Variants in KIFC3 observed in about 807,000 individuals in gnomAD.
KIFC3 encodes kinesin family member C3.
A neutral mutation model predicts 101.8 loss-of-function variants in KIFC3; 60 were observed. The ratio of observed to expected loss-of-function variants is 0.59; its 90% CI spans 0.48 to 0.73. The LOEUF (loss-of-function observed/expected upper bound fraction) is 0.73. Among genes scored for constraint, KIFC3 ranks in the 30% least tolerant of loss-of-function variants. KIFC3 has a pLI of 0.00. For missense variants in KIFC3, 966 were observed against 1,137.1 expected (o/e 0.85, Z 2.16); for synonymous variants, 476 against 482.7 (o/e 0.99, Z 0.18).
intron 1 of KIFC3, among the ~76,000 whole-genome samples, chr16:57,809,906 C>T (rs542792397): frequency 1.3e-5 from 2 of 152,262 alleles, no homozygotes; most frequent in East Asian, 1.9e-4. Flanking sequence ...ACCAGAGGGG[C>T]GTATCTGGTT....
At chr16:57,785,175 C>T (rs114957992) in intron 3 of KIFC3, among the ~76,000 whole-genome samples, 1,771 of 152,204 alleles carry the variant, frequency 0.012, 34 homozygotes, top group African/African-American at 0.04. Flanking sequence ...ACGTCACCTC[C>T]TAGTGGGGAA....
rs782552995 is a variant in KIFC3 at position 57,768,533 on chromosome 16, A to ACACACACACACACACACACACG, written c.1218+1061_1218+1062insCGTGTGTGTGTGTGTGTGTGTG. ...CTCACACACACACACACACACACACACACGCACAATTGGCTTAAGCATGCT... is the reference window on the plus strand; with the variant it reads ...CTCACACACACACACACACACACACACACACACACACACACACACACGCACGCACAATTGGCTTAAGCATGCT... On this transcript the variant is annotated intron_variant, in intron 9 of 19. Coordinates refer to ENST00000445690, the MANE Select transcript of KIFC3 (RefSeq NM_001130100.2). Among the ~76,000 whole-genome samples the ACACACACACACACACACACACG allele has an allele frequency of 5.6e-4, 85 of 151,694 alleles. 1 individual carries two copies. Among genetic ancestry groups the ACACACACACACACACACACACG allele is most frequent in the African/African-American group, 1.8e-3 (75 of 41,270 alleles).
chr16:57,799,554 T>C (rs1329813990), intron 1 of KIFC3, among the ~76,000 whole-genome samples: 1 of 152,168 alleles, frequency 6.6e-6, no homozygotes, highest in Non-Finnish European at 1.5e-5. Context: ...CTAAGAACTC[T>C]GGGATGGCTT....
At chr16:57,852,836 C>G (rs12443893) in intron 1 of KIFC3, among the ~76,000 whole-genome samples, 4,715 of 152,182 alleles carry the variant, frequency 0.031, 113 homozygotes, top group Middle Eastern at 0.092. Context: ...TTAAAGGGAT[C>G]GAATAGCAAT....
At position 57,760,263 on chromosome 16, in the gene KIFC3, C is replaced by G; in HGVS notation, c.2367+19G>C. 6.2e-7 allele frequency: 1 copy of G among 1,605,010 alleles called. No homozygotes were observed. Among genetic ancestry groups the G allele is most frequent in the South Asian group, 1.1e-5 (1 of 90,814 alleles). The stretch of plus-strand genomic sequence containing the variant: ...CTGACCCAGGGCCACCTGAGCCAGG[C>G]CTGTGACAGTCCCCGTACCTCTAGA... On this transcript the variant is annotated intron_variant, in intron 17 of 19. Transcript: ENST00000445690.
Position 57,798,227 on chromosome 16 carries a change from C to G in KIFC3, c.17G>C (p.Arg6Thr). 6.4e-7 allele frequency: 1 copy of G among 1,550,992 alleles called. No homozygotes were observed. The highest frequency in any genetic ancestry group is 8.7e-7 in the Non-Finnish European group (1 of 1,148,144). ...GGGCGTGGCTCCCAGGTTCCACGTC[C>G]TGCGAGAGGGGACCATGGCCTGGGG... MVPSR[R>T]TWNLGATPSL... Residue 6 changes from arginine to threonine, a missense_variant, in exon 2 of 20, where the codon AGG (arginine) becomes ACG (threonine). Transcript: ENST00000445690.
Position 57,769,991 on chromosome 16 carries a change from T to G in KIFC3, c.940-36A>C, listed in dbSNP as rs2050954804. 6.3e-7 allele frequency: 1 copy of G among 1,594,434 alleles called. No homozygotes were observed. The highest frequency in any genetic ancestry group is 1.3e-5 in the African/African-American group (1 of 74,136). ...CAGGAAAAGGCTCAGTACCTCGAGG[T>G]GCGGGAGAGAGAGGGGCAGGTGCCA... On this transcript the variant is annotated intron_variant, in intron 7 of 19. Coordinates refer to ENST00000445690, the MANE Select transcript of KIFC3 (RefSeq NM_001130100.2). The surrounding 1 kb of genome is among the most constrained non-coding windows in gnomAD (Gnocchi z 4.3).
chr16:57,789,816 A>G (rs1209191873), intron 3 of KIFC3, among the ~76,000 whole-genome samples: 12 of 151,506 alleles, frequency 7.9e-5, no homozygotes, highest in Non-Finnish European at 2.9e-5. Context: ...GGCTCACTGC[A>G]ATCTCTGCCT....
At chr16:57,788,087 C>T (rs1443136838) in intron 3 of KIFC3, among the ~76,000 whole-genome samples, 1 of 152,230 alleles carries the variant, frequency 6.6e-6, no homozygotes, top group Non-Finnish European at 1.5e-5. Context: ...CCATGGCAGG[C>T]CCTGCCAGGG....
chr16:57,788,518 T>A, intron 3 of KIFC3: 1 of 1,243,654 alleles, frequency 8.0e-7, no homozygotes, highest in African/African-American at 1.6e-5. Context: ...CACAAGAGCC[T>A]CCCTCCTGCG....
At chr16:57,856,051 A>T (rs960951913) in intron 1 of KIFC3, among the ~76,000 whole-genome samples, 1 of 151,906 alleles carries the variant, frequency 6.6e-6, no homozygotes, top group Non-Finnish European at 1.5e-5. Flanking sequence ...GGCTGGACGC[A>T]GGGGGCTCAC....
At chr16:57,784,562 C>T (rs576509566) in intron 3 of KIFC3, among the ~76,000 whole-genome samples, 1 of 152,296 alleles carries the variant, frequency 6.6e-6, no homozygotes, top group African/African-American at 2.4e-5. Context: ...TCTTTGCTGG[C>T]TCATGGGACA....
intron 1 of KIFC3, among the ~76,000 whole-genome samples, chr16:57,860,022 A>AAAAAATTAAAAT: frequency 1.2e-5 from 1 of 86,900 alleles, no homozygotes; most frequent in East Asian, 3.8e-4. Context: ...ACTCTGTCTC[A>AAAAAATTAAAAT]AAAATAAAAT....
intron 3 of KIFC3, among the ~76,000 whole-genome samples, chr16:57,785,933 T>A (rs2053272570): frequency 6.6e-6 from 1 of 151,972 alleles, no homozygotes; most frequent in African/African-American, 2.4e-5. Context: ...TGAATACGGC[T>A]CTCAAAGCAC....
intron 1 of KIFC3, among the ~76,000 whole-genome samples, chr16:57,841,060 G>A (rs1230374757): frequency 6.6e-6 from 1 of 152,194 alleles, no homozygotes; most frequent in Non-Finnish European, 1.5e-5. Flanking sequence ...ACCTACTCTG[G>A]ACAGTGCTGT....
At chr16:57,846,466 G>A (rs776891081) in intron 1 of KIFC3, 24 of 152,498 alleles carry the variant, frequency 1.6e-4, no homozygotes, top group Middle Eastern at 3.4e-3. Flanking sequence ...GAGGGCTTGC[G>A]GCAGACACTG....
At chr16:57,857,941 C>G (rs1487505912) in intron 1 of KIFC3, among the ~76,000 whole-genome samples, 3 of 150,594 alleles carry the variant, frequency 2.0e-5, no homozygotes, top group Non-Finnish European at 1.5e-5. Flanking sequence ...ATTCTCCTGC[C>G]TCAGCCTCCC....
rs74329254 is a variant in KIFC3, at chr16:57,769,471, G to T, written c.1218+124C>A. ...AGGGCAGCAGTAAGTGTCATGGGGGGTGGGGCAGGGGCTGCTGTCTGAGCG... is the reference window on the plus strand; with the variant it reads ...AGGGCAGCAGTAAGTGTCATGGGGGTTGGGGCAGGGGCTGCTGTCTGAGCG... On this transcript the variant is annotated intron_variant, in intron 9 of 19. Coordinates refer to ENST00000445690, the MANE Select transcript of KIFC3 (RefSeq NM_001130100.2). The surrounding 1 kb of genome is among the most constrained non-coding windows in gnomAD (Gnocchi z 4.3). The T allele has an allele frequency of 8.2e-7, 1 of 1,221,950 alleles. No homozygotes were observed. Among genetic ancestry groups the T allele is most frequent in the Middle Eastern group, 2.9e-4 (1 of 3,498 alleles). The allele number at this position is 1,221,950 out of a possible 1,614,324, so 75.7% of individuals were successfully genotyped here.
intron 1 of KIFC3, among the ~76,000 whole-genome samples, chr16:57,851,884 C>T (rs1214163765): frequency 6.6e-6 from 1 of 152,102 alleles, no homozygotes; most frequent in African/African-American, 2.4e-5. Context: ...GGATTACAGG[C>T]ATGTACCACC....
Sources: gnomAD v4.1 joint callset for allele counts (sites outside exome capture counted in the v4.1 genomes callset) on GRCh38, gnomAD v4.1.1 for gene constraint, Gnocchi (gnomAD v3.1) non-coding constraint, MANE v1.5 for transcripts, NCBI Gene and HGNC (gene_info 2026-07-23, HGNC 2026-07-21) for gene names.